The following ATRNL1 variants were observed in gnomAD, a reference collection of about 807,000 sequenced individuals.
The protein encoded by ATRNL1 is attractin-like protein 1.
A neutral mutation model predicts 182.7 loss-of-function variants in ATRNL1; 95 were observed. That is an observed-to-expected ratio of 0.52 (90% CI 0.44 to 0.62). The LOEUF (loss-of-function observed/expected upper bound fraction) is 0.62. Among genes scored for constraint, ATRNL1 ranks in the 20% least tolerant of loss-of-function variants. ATRNL1 has a pLI of 0.00. For missense variants in ATRNL1, 1,471 were observed against 1,679.5 expected (o/e 0.88, Z 2.17); for synonymous variants, 576 against 568.3 (o/e 1.01, Z -0.19).
At chr10:115,630,534 A>T (rs1400945992) in intron 26 of ATRNL1, among the ~76,000 whole-genome samples, 2 of 151,760 alleles carry the variant, frequency 1.3e-5, no homozygotes, top group African/African-American at 4.8e-5. Flanking sequence ...AAATTGAAAT[A>T]AGTCTCTCCA....
At chr10:115,922,516 A>G (rs1164133291) in intron 28 of ATRNL1, among the ~76,000 whole-genome samples, 2 of 152,122 alleles carry the variant, frequency 1.3e-5, no homozygotes, top group African/African-American at 4.8e-5. Flanking sequence ...CCCAGGATAG[A>G]GTGCAGTGGT....
intron 26 of ATRNL1, among the ~76,000 whole-genome samples, chr10:115,587,591 T>G (rs1855626979): frequency 8.5e-6 from 1 of 117,892 alleles, no homozygotes; most frequent in South Asian, 3.5e-4. Flanking sequence ...GCTTCCCGAG[T>G]GAGGCAATGC....
intron 19 of ATRNL1, among the ~76,000 whole-genome samples, chr10:115,372,728 C>T (rs1484022734): frequency 6.6e-6 from 1 of 152,068 alleles, no homozygotes; most frequent in East Asian, 1.9e-4. Context: ...TTTCATCAAT[C>T]ATATGTCTGC....
chr10:115,659,679 TA>T (rs1179133330), intron 26 of ATRNL1, among the ~76,000 whole-genome samples: 2 of 152,050 alleles, frequency 1.3e-5, no homozygotes, highest in Non-Finnish European at 2.9e-5. Context: ...TGGAACTTCA[TA>T]AAAAAGGTTC....
intron 24 of ATRNL1, among the ~76,000 whole-genome samples, chr10:115,513,774 T>TGG (rs1186894433): frequency 1.3e-5 from 2 of 151,970 alleles, no homozygotes; most frequent in African/African-American, 4.8e-5. Flanking sequence ...GAATTTTCTA[T>TGG]GGAAAGTCTC....
intron 16 of ATRNL1, among the ~76,000 whole-genome samples, chr10:115,301,559 G>T (rs1853469139): frequency 6.6e-6 from 1 of 152,130 alleles, no homozygotes; most frequent in African/African-American, 2.4e-5. Flanking sequence ...AAAATAAACA[G>T]TGCTGGTATA....
At chr10:115,871,962 T>C (rs1162272055) in intron 28 of ATRNL1, among the ~76,000 whole-genome samples, 2 of 152,292 alleles carry the variant, frequency 1.3e-5, no homozygotes, top group South Asian at 2.1e-4. Flanking sequence ...CTCTTGCTAC[T>C]TGTTTTGGGG....
At chr10:115,344,942 C>T (rs545368642) in intron 19 of ATRNL1, among the ~76,000 whole-genome samples, 120 of 152,292 alleles carry the variant, frequency 7.9e-4, no homozygotes, top group Non-Finnish European at 1.6e-3. Flanking sequence ...AAGCTAAGAC[C>T]TGGAAGGAGG....
In ATRNL1 at chr10:115,615,708, C is replaced by T. The variant is rs77839418; in HGVS notation, c.3795+66172C>T. 1.0e-2 allele frequency among the ~76,000 whole-genome samples: 1,518 copies of T among 152,228 alleles called. 24 individuals are homozygous for T. The highest frequency in any genetic ancestry group is 0.033 in the African/African-American group (1,383 of 41,530). Reference sequence around the variant, plus strand: ...CATTTAAAAATGTGTAGCACCTCCTCGCTATCTTTCTTCCCGCTGTTTCAG... The same window carrying T: ...CATTTAAAAATGTGTAGCACCTCCTTGCTATCTTTCTTCCCGCTGTTTCAG... On this transcript the variant is annotated intron_variant, in intron 26 of 28. Coordinates refer to ENST00000355044, the MANE Select transcript of ATRNL1 (RefSeq NM_207303.4).
chr10:115,186,735 G>A (rs1554888822), intron 8 of ATRNL1, among the ~76,000 whole-genome samples: 1 of 152,064 alleles, frequency 6.6e-6, no homozygotes, highest in African/African-American at 2.4e-5. Flanking sequence ...AATGGGTGCA[G>A]AAAGTATATA....
intron 24 of ATRNL1, among the ~76,000 whole-genome samples, chr10:115,477,029 C>G (rs561555000): frequency 6.6e-6 from 1 of 151,374 alleles, no homozygotes; most frequent in Non-Finnish European, 1.5e-5. Context: ...ATATATTTCT[C>G]TGGAGAAAGG....
chr10:115,875,767 A>G (rs1436504431), intron 28 of ATRNL1, among the ~76,000 whole-genome samples: 3 of 152,214 alleles, frequency 2.0e-5, no homozygotes, highest in African/African-American at 7.2e-5. Context: ...GATAGTCATC[A>G]AACAAATAAT....
intron 15 of ATRNL1, among the ~76,000 whole-genome samples, chr10:115,291,830 T>TTTTTTTA (rs1287141622): frequency 2.2e-4 from 33 of 147,304 alleles, no homozygotes; most frequent in African/African-American, 7.5e-4. Context: ...TTTTTTTTTT[T>TTTTTTTA]AATGTCCTTG....
intron 28 of ATRNL1, among the ~76,000 whole-genome samples, chr10:115,917,368 G>A (rs1952895293): frequency 6.6e-6 from 1 of 151,252 alleles, no homozygotes; most frequent in Non-Finnish European, 1.5e-5. Flanking sequence ...TACTCGGGAG[G>A]CTGAGGCAGG....
chr10:115,141,902 A>G (rs1321140207), intron 5 of ATRNL1, among the ~76,000 whole-genome samples: 1 of 152,182 alleles, frequency 6.6e-6, no homozygotes, highest in Admixed American at 6.5e-5. Flanking sequence ...AAATAAAAGC[A>G]GCATTAAAAT....
intron 9 of ATRNL1, among the ~76,000 whole-genome samples, chr10:115,219,160 A>G (rs2144427922): frequency 6.8e-6 from 1 of 148,142 alleles, no homozygotes; most frequent in East Asian, 2.0e-4. Context: ...TGAACCCAGG[A>G]GGCGGAGGTT....
intron 9 of ATRNL1, among the ~76,000 whole-genome samples, chr10:115,222,179 C>T (rs1254885926): frequency 6.6e-6 from 1 of 151,732 alleles, no homozygotes; most frequent in African/African-American, 2.4e-5. Flanking sequence ...ATTAAGAATT[C>T]CTTGGATGGA....
intron 26 of ATRNL1, among the ~76,000 whole-genome samples, chr10:115,706,405 C>A (rs1169004719): frequency 6.6e-6 from 1 of 151,858 alleles, no homozygotes; most frequent in Non-Finnish European, 1.5e-5. Context: ...TTAATTTAAT[C>A]ACATCTGCAA....
At chr10:115,230,915 G>GAGAGAGAA (rs1849915997) in intron 9 of ATRNL1, among the ~76,000 whole-genome samples, 28 of 137,626 alleles carry the variant, frequency 2.0e-4, no homozygotes, top group Non-Finnish European at 3.3e-4. Context: ...GAGAGAGAGA[G>GAGAGAGAA]AGAGAGAAAG....
Sources: gnomAD v4.1 joint callset for allele counts (sites outside exome capture counted in the v4.1 genomes callset) on GRCh38, gnomAD v4.1.1 for gene constraint, MANE v1.5 for transcripts, NCBI Gene and HGNC (gene_info 2026-07-23, HGNC 2026-07-21) for gene names.